ZBTB20: variants seen among roughly 807,000 people sequenced by gnomAD.
The protein encoded by ZBTB20 is zinc finger and BTB domain containing 20.
In ZBTB20, 9 loss-of-function variants were observed where a neutral mutation model predicts 56.9. The observed-to-expected ratio is 0.16, with a 90% CI of 0.10 to 0.28. ZBTB20 has a LOEUF of 0.28. ZBTB20 is among the 10% of genes least tolerant of loss of function. The pLI is 1.00. For synonymous variants in ZBTB20, 417 were observed against 420.7 expected (o/e 0.99, Z 0.11); for missense variants, 655 against 1,003.0 (o/e 0.65, Z 4.69).
At position 114,626,964 on chromosome 3, in the gene ZBTB20, T is replaced by A. The variant is rs144891762; in HGVS notation, c.-295+66564A>T. Among the ~76,000 whole-genome samples, 287 of 152,336 alleles carry A rather than the reference T, an allele frequency of 1.9e-3. 3 individuals are homozygous for A. Among genetic ancestry groups the A allele is most frequent in the Middle Eastern group, 6.8e-3 (2 of 294 alleles). ...GTGCTCTCCCTGATGCCTCCCACAA[T>A]AATGGCAACTCTGAACTTAAGGTTA... is the stretch of plus-strand genomic sequence containing the variant. On this transcript the variant is annotated intron_variant, in intron 6 of 11. Coordinates refer to ENST00000675478, the MANE Select transcript of ZBTB20 (RefSeq NM_001348800.3).
At chr3:114,352,624 T>C (rs1018213924) in intron 10 of ZBTB20, among the ~76,000 whole-genome samples, 1 of 152,218 alleles carries the variant, frequency 6.6e-6, no homozygotes, top group Admixed American at 6.5e-5. Context: ...GACAACCTGT[T>C]TGAGCACTTT....
chr3:114,564,102 A>G (rs1474057843), intron 6 of ZBTB20, among the ~76,000 whole-genome samples: 1 of 152,098 alleles, frequency 6.6e-6, no homozygotes, highest in Non-Finnish European at 1.5e-5. Flanking sequence ...CTTCAAAACC[A>G]GCAACGCAGC....
intron 2 of ZBTB20, among the ~76,000 whole-genome samples, chr3:115,032,635 A>G (rs1232540412): frequency 6.6e-6 from 1 of 151,482 alleles, no homozygotes; most frequent in Non-Finnish European, 1.5e-5. Flanking sequence ...GATAGACCAC[A>G]TATTAGGCCA....
chr3:114,874,356 CAGG>C (rs1346812870), intron 4 of ZBTB20, among the ~76,000 whole-genome samples: 4 of 152,114 alleles, frequency 2.6e-5, no homozygotes, highest in Non-Finnish European at 4.4e-5. Flanking sequence ...CAGAATAGAA[CAGG>C]AGGACAGAAT....
chr3:114,475,766 T>C (rs115056764), intron 7 of ZBTB20, among the ~76,000 whole-genome samples: 1,797 of 152,272 alleles, frequency 0.012, 33 homozygotes, highest in African/African-American at 0.041. Flanking sequence ...AACCATAAAA[T>C]AACATTCAAA....
chr3:114,372,024 T>G (rs2083077001), intron 10 of ZBTB20, among the ~76,000 whole-genome samples: 1 of 152,216 alleles, frequency 6.6e-6, no homozygotes, highest in Non-Finnish European at 1.5e-5. Context: ...TGAAATTTCC[T>G]TAAAGCAAGA....
chr3:114,694,304 T>C (rs1285794108), intron 5 of ZBTB20, among the ~76,000 whole-genome samples: 1 of 152,088 alleles, frequency 6.6e-6, no homozygotes, highest in Admixed American at 6.6e-5. Flanking sequence ...AAATATTATA[T>C]AATCTGCATT....
At chr3:115,091,025 A>G (rs1229428214) in intron 1 of ZBTB20, among the ~76,000 whole-genome samples, 1 of 151,966 alleles carries the variant, frequency 6.6e-6, no homozygotes, top group Non-Finnish European at 1.5e-5. Context: ...CTGTGGGTTC[A>G]TCTTACTATA....
At chr3:114,910,185 C>A (rs1045079665) in intron 3 of ZBTB20, among the ~76,000 whole-genome samples, 8 of 151,676 alleles carry the variant, frequency 5.3e-5, no homozygotes, top group African/African-American at 1.7e-4. Flanking sequence ...ATAATATGAA[C>A]AATTTTGTAG....
intron 6 of ZBTB20, among the ~76,000 whole-genome samples, chr3:114,618,915 C>T (rs2058121210): frequency 6.6e-6 from 1 of 152,210 alleles, no homozygotes. Flanking sequence ...AAGGTGCTAA[C>T]ACTTTTTATT....
intron 1 of ZBTB20, among the ~76,000 whole-genome samples, chr3:115,074,398 C>T (rs2082521923): frequency 6.6e-6 from 1 of 152,076 alleles, no homozygotes; most frequent in Non-Finnish European, 1.5e-5. Flanking sequence ...TCAAAGAAGC[C>T]AGTTTAGTAA....
chr3:114,372,795 GA>G (rs2083182369), intron 10 of ZBTB20, among the ~76,000 whole-genome samples: 1 of 152,140 alleles, frequency 6.6e-6, no homozygotes, highest in Non-Finnish European at 1.5e-5. Context: ...AGTGAGCTGA[GA>G]TTGCACTGCT....
At chr3:114,518,313 G>T (rs896216294) in intron 6 of ZBTB20, among the ~76,000 whole-genome samples, 12 of 151,788 alleles carry the variant, frequency 7.9e-5, no homozygotes, top group African/African-American at 2.9e-4. Flanking sequence ...GAGGAAAGGG[G>T]CCAAAAATAG....
intron 6 of ZBTB20, among the ~76,000 whole-genome samples, chr3:114,616,318 T>C (rs1476664713): frequency 6.6e-6 from 1 of 152,214 alleles, no homozygotes; most frequent in Non-Finnish European, 1.5e-5. Flanking sequence ...GATTTTGCCT[T>C]TATAATCATC....
intron 3 of ZBTB20, among the ~76,000 whole-genome samples, chr3:114,939,072 G>A (rs2107842569): frequency 6.9e-6 from 1 of 145,576 alleles, no homozygotes; most frequent in East Asian, 1.9e-4. Flanking sequence ...GAATGTTGTG[G>A]TGGATCCACA....
chr3:114,682,473 C>G lies in ZBTB20; in HGVS notation c.-295+11055G>C, dbSNP rs1275471184. Among the ~76,000 whole-genome samples, 4 of 152,108 alleles carry G rather than the reference C, an allele frequency of 2.6e-5. No homozygotes were observed. The East Asian group carries it at 7.7e-4, about 29-fold the overall frequency. On this transcript the variant is annotated intron_variant, in intron 6 of 11. Coordinates refer to ENST00000675478, the MANE Select transcript of ZBTB20 (RefSeq NM_001348800.3). ...CAGTAGAAATGTGTGAGATTTCACCCTCAGTGATAGAGCTGGAATAGAATT... is the reference window on the plus strand; with the variant it reads ...CAGTAGAAATGTGTGAGATTTCACCGTCAGTGATAGAGCTGGAATAGAATT...
intron 7 of ZBTB20, among the ~76,000 whole-genome samples, chr3:114,458,388 T>C (rs907720470): frequency 1.3e-5 from 2 of 152,190 alleles, no homozygotes; most frequent in Admixed American, 1.3e-4. Flanking sequence ...ATAGTAGCTA[T>C]GTAATAAATG....
intron 7 of ZBTB20, among the ~76,000 whole-genome samples, chr3:114,391,866 CTAA>C (rs2085906011): frequency 6.6e-6 from 1 of 152,134 alleles, no homozygotes; most frequent in Admixed American, 6.5e-5. Context: ...AGGCCACAGA[CTAA>C]TATTTATCAG....
chr3:115,013,650 A>G (rs919383750), intron 2 of ZBTB20, among the ~76,000 whole-genome samples: 1 of 151,758 alleles, frequency 6.6e-6, no homozygotes, highest in African/African-American at 2.4e-5. Context: ...ACAGAGGAGG[A>G]GGAAATACAT....
Sources: allele counts gnomAD v4.1 joint callset (sites outside exome capture counted in the v4.1 genomes callset), GRCh38; gene constraint gnomAD v4.1.1; transcripts MANE v1.5; gene names NCBI Gene and HGNC (gene_info 2026-07-23, HGNC 2026-07-21).